USP13: variants seen among roughly 807,000 people sequenced by gnomAD.
USP13 encodes the protein ubiquitin carboxyl-terminal hydrolase 13.
A neutral mutation model predicts 107.8 loss-of-function variants in USP13; 68 were observed. The observed-to-expected ratio is 0.63, with a 90% CI of 0.52 to 0.77. USP13 has a LOEUF of 0.77. USP13 is among the 30% of genes least tolerant of loss of function. The pLI is 0.00. For synonymous variants in USP13, 377 were observed against 389.5 expected, an observed-to-expected ratio of 0.97 and a Z score of 0.38; for missense variants, 945 against 1,093.3, an observed-to-expected ratio of 0.86 and a Z score of 1.91.
intron 20 of USP13, 21 bp from the exon 21 acceptor site, chr3:179,784,027 A>T (rs773768917): frequency 1.3e-6 from 2 of 1,595,292 alleles, no homozygotes; most frequent in Admixed American, 3.6e-5. Context: ...AATCCATCAA[A>T]TGCTTCTGTC....
intron 8 of USP13, among the ~76,000 whole-genome samples, chr3:179,722,741 C>G (rs993975981): frequency 6.6e-6 from 1 of 152,098 alleles, no homozygotes; most frequent in Admixed American, 6.6e-5. Flanking sequence ...CTTGTTCATT[C>G]TACTTATACT....
intron 20 of USP13, among the ~76,000 whole-genome samples, chr3:179,782,981 G>T (rs559691762): frequency 2.8e-4 from 43 of 152,284 alleles, no homozygotes; most frequent in African/African-American, 1.0e-3. Context: ...CTGACCTCAA[G>T]TGATCCACCC....
intron 16 of USP13, among the ~76,000 whole-genome samples, chr3:179,760,024 G>A (rs1025366498): frequency 3.3e-5 from 5 of 152,014 alleles, no homozygotes; most frequent in African/African-American, 1.2e-4. Flanking sequence ...TTCTCTTCTC[G>A]GTTCTTTTCC....
At chr3:179,683,377 A>T (rs1711735520) in intron 2 of USP13, among the ~76,000 whole-genome samples, 1 of 152,222 alleles carries the variant, frequency 6.6e-6, no homozygotes, top group Non-Finnish European at 1.5e-5. Flanking sequence ...CCTCAAGGTC[A>T]TAAAGACATT....
chr3:179,668,095 G>C (rs113454413), intron 1 of USP13, among the ~76,000 whole-genome samples: 167 of 152,326 alleles, frequency 1.1e-3, no homozygotes, highest in African/African-American at 3.8e-3. Flanking sequence ...GGAGTCCTCT[G>C]CAGAAAGGGA....
rs1714220077 is a variant in USP13 at position 179,742,076 on chromosome 3, A to G, written c.1381-121A>G. 9.8e-6 allele frequency: 12 copies of G among 1,230,312 alleles called. No homozygotes were observed. Among genetic ancestry groups the G allele is most frequent in the South Asian group, 1.5e-5 (1 of 66,140 alleles). 76.2% of individuals were successfully genotyped at this position (1,230,312 alleles called of 1,614,324 possible). The stretch of plus-strand genomic sequence containing the variant: ...TATTAAAGTGCTTTGGTGAATGGGC[A>G]TGGCCAGAGGAAATGTTTAATAAAG... On this transcript the variant is annotated intron_variant, in intron 11 of 20. Coordinates refer to ENST00000263966, the MANE Select transcript of USP13 (RefSeq NM_003940.3). The surrounding 1 kb of genome is among the most constrained non-coding windows in gnomAD (Gnocchi z 5.0).
intron 10 of USP13, among the ~76,000 whole-genome samples, chr3:179,739,301 C>A (rs1483441944): frequency 2.0e-5 from 3 of 152,186 alleles, no homozygotes; most frequent in Non-Finnish European, 2.9e-5. Context: ...GCCTGTTCTT[C>A]CCCCGCAGCC....
intron 12 of USP13, 58 bp from the exon 13 acceptor site, chr3:179,744,985 T>C: frequency 6.3e-7 from 1 of 1,599,416 alleles, no homozygotes; most frequent in Non-Finnish European, 8.5e-7. Flanking sequence ...AAGAGGGTGC[T>C]TTTCATTTCC....
chr3:179,671,891 T>A (rs1458126068), intron 1 of USP13, among the ~76,000 whole-genome samples: 1 of 152,214 alleles, frequency 6.6e-6, no homozygotes, highest in Admixed American at 6.5e-5. Context: ...TGACTCCATC[T>A]ACCTACATCA....
chr3:179,665,627 C>T (rs961813497), intron 1 of USP13, among the ~76,000 whole-genome samples: 1 of 152,014 alleles, frequency 6.6e-6, no homozygotes, highest in Non-Finnish European at 1.5e-5. Flanking sequence ...GCTGTGTTGC[C>T]CAGGCTGGAG....
At chr3:179,715,243 C>T (rs1310996837) in intron 6 of USP13, among the ~76,000 whole-genome samples, 1 of 151,996 alleles carries the variant, frequency 6.6e-6, no homozygotes, top group African/African-American at 2.4e-5. Context: ...CCAGGCTGGT[C>T]TTGAACTCCT....
At chr3:179,679,803 T>G (rs1265480616) in intron 1 of USP13, among the ~76,000 whole-genome samples, 24 of 97,956 alleles carry the variant, frequency 2.5e-4, no homozygotes, top group Admixed American at 2.3e-3. Flanking sequence ...AGTTTTTTTT[T>G]TTTTTTTTTT....
intron 3 of USP13, among the ~76,000 whole-genome samples, chr3:179,697,824 G>T (rs534609503): frequency 1.3e-3 from 197 of 152,136 alleles, no homozygotes; most frequent in African/African-American, 4.6e-3. Flanking sequence ...TCCCTAATTT[G>T]GATTAAGTTT....
At chr3:179,764,966 A>AG (rs895406834) in intron 18 of USP13, among the ~76,000 whole-genome samples, 1 of 152,012 alleles carries the variant, frequency 6.6e-6, no homozygotes, top group African/African-American at 2.4e-5. Flanking sequence ...TCTCAACCAG[A>AG]GTTTGTTTTA....
intron 3 of USP13, among the ~76,000 whole-genome samples, chr3:179,694,595 G>C (rs1446989300): frequency 6.6e-6 from 1 of 152,006 alleles, no homozygotes; most frequent in Non-Finnish European, 1.5e-5. Context: ...CTGAGGTCAG[G>C]AGTTCGGCAG....
intron 16 of USP13, among the ~76,000 whole-genome samples, chr3:179,760,714 T>C (rs373527996): frequency 4.6e-5 from 7 of 152,344 alleles, no homozygotes; most frequent in African/African-American, 1.7e-4. Context: ...GCAGTAACTT[T>C]CTGTGAGGTT....
intron 1 of USP13, among the ~76,000 whole-genome samples, chr3:179,670,719 A>G (rs919495933): frequency 5.3e-5 from 8 of 151,480 alleles, no homozygotes; most frequent in Non-Finnish European, 8.8e-5. Context: ...TTTTTTTGAG[A>G]CAGATTCTCG....
At chr3:179,676,840 G>C (rs1324351731) in intron 1 of USP13, among the ~76,000 whole-genome samples, 1 of 152,144 alleles carries the variant, frequency 6.6e-6, no homozygotes, top group Non-Finnish European at 1.5e-5. Context: ...CTACCTCTGT[G>C]GCCAGCCTTG....
intron 2 of USP13, among the ~76,000 whole-genome samples, chr3:179,684,157 C>T (rs1359973179): frequency 6.6e-6 from 1 of 151,906 alleles, no homozygotes; most frequent in African/African-American, 2.4e-5. Flanking sequence ...GACAGGGTTT[C>T]ACCATGTTGG....
Sources: gnomAD v4.1 joint callset for allele counts (sites outside exome capture counted in the v4.1 genomes callset) on GRCh38, gnomAD v4.1.1 for gene constraint, Gnocchi (gnomAD v3.1) non-coding constraint, MANE v1.5 for transcripts, NCBI Gene and HGNC (gene_info 2026-07-23, HGNC 2026-07-21) for gene names.